The following RAB3C variants were observed in gnomAD, a reference collection of about 807,000 sequenced individuals.
RAB3C encodes the protein RAB3C, member RAS oncogene family.
Under a neutral mutation model 26.4 loss-of-function variants are expected in RAB3C, and 17 were observed. The ratio of observed to expected loss-of-function variants is 0.64; its 90% CI spans 0.44 to 0.97. The LOEUF (loss-of-function observed/expected upper bound fraction) is 0.97. RAB3C is among the 50% of genes least tolerant of loss of function. The probability of loss-of-function intolerance (pLI) is 0.00; values close to 1 mark genes in which losing one functional copy is unlikely to be tolerated. For synonymous variants in RAB3C, 91 were observed against 95.9 expected (o/e 0.95, Z 0.30); for missense variants, 242 against 281.9 (o/e 0.86, Z 1.01).
chr5:58,691,721 G>A (rs138605222), intron 2 of RAB3C, among the ~76,000 whole-genome samples: 100 of 152,224 alleles, frequency 6.6e-4, no homozygotes, highest in African/African-American at 2.3e-3. Context: ...GAATACAAGT[G>A]GGTGTTTGAT....
Position 58,610,017 on chromosome 5 carries a change from G to C in RAB3C, c.25-7626G>C, listed in dbSNP as rs1746661599. Reference sequence around the variant, plus strand: ...GCACATCACAATTCTAATCGATTCTGAGAGACAAACGTGGAGACCTGCAAA... The same window carrying C: ...GCACATCACAATTCTAATCGATTCTCAGAGACAAACGTGGAGACCTGCAAA... On this transcript the variant is annotated intron_variant, in intron 1 of 4. Transcript: ENST00000282878. Among the ~76,000 whole-genome samples, 4 of 152,112 alleles carry C rather than the reference G, an allele frequency of 2.6e-5. No homozygotes were observed. In the South Asian group the frequency reaches 8.3e-4, roughly 31 times the overall value.
chr5:58,825,355 G>A (rs920369083), intron 4 of RAB3C, among the ~76,000 whole-genome samples, 193 bp downstream of exon 4: 1 of 152,082 alleles, frequency 6.6e-6, no homozygotes, highest in South Asian at 2.1e-4. Context: ...GAGCTCAAGC[G>A]CAATTACAGA....
At chr5:58,755,549 C>G (rs572858737) in intron 3 of RAB3C, among the ~76,000 whole-genome samples, 1 of 152,144 alleles carries the variant, frequency 6.6e-6, no homozygotes, top group African/African-American at 2.4e-5. Flanking sequence ...CATCAGGACT[C>G]GGGGCAGGCA....
intron 3 of RAB3C, among the ~76,000 whole-genome samples, chr5:58,774,394 C>T (rs1742084436): frequency 6.6e-6 from 1 of 152,106 alleles, no homozygotes; most frequent in Non-Finnish European, 1.5e-5. Flanking sequence ...CTCTTTCCAT[C>T]TTCTACCTTT....
chr5:58,806,624 G>A (rs936252225), intron 3 of RAB3C, among the ~76,000 whole-genome samples: 3 of 152,132 alleles, frequency 2.0e-5, no homozygotes, highest in Non-Finnish European at 4.4e-5. Flanking sequence ...GTGCATGGAA[G>A]GATATTTAAT....
At chr5:58,744,454 C>T (rs866532960) in intron 3 of RAB3C, among the ~76,000 whole-genome samples, 10 of 152,176 alleles carry the variant, frequency 6.6e-5, no homozygotes, top group Admixed American at 5.9e-4. Flanking sequence ...CACGATTCAT[C>T]GGCAGTGTAT....
At chr5:58,819,310 C>T (rs774736394) in intron 3 of RAB3C, among the ~76,000 whole-genome samples, 4 of 152,104 alleles carry the variant, frequency 2.6e-5, no homozygotes, top group African/African-American at 4.8e-5. Flanking sequence ...CTCAAACTGG[C>T]GGAATAAATT....
At chr5:58,684,139 T>C (rs1470416198) in intron 2 of RAB3C, among the ~76,000 whole-genome samples, 1 of 152,216 alleles carries the variant, frequency 6.6e-6, no homozygotes, top group Admixed American at 6.5e-5. Context: ...GTTATCATTA[T>C]TCTCTAAACA....
intron 1 of RAB3C, among the ~76,000 whole-genome samples, chr5:58,591,339 A>G (rs1010492235): frequency 1.3e-5 from 2 of 152,138 alleles, no homozygotes; most frequent in East Asian, 1.9e-4. Flanking sequence ...GAGGTTTTCA[A>G]ATCTCCAGCT....
chr5:58,750,818 GCTTC>G (rs1741505845), intron 3 of RAB3C, among the ~76,000 whole-genome samples: 2 of 151,536 alleles, frequency 1.3e-5, no homozygotes, highest in African/African-American at 4.8e-5. Flanking sequence ...TTCCTTCCTT[GCTTC>G]CTTCCTTCCT....
At chr5:58,753,498 C>G (rs2111965073) in intron 3 of RAB3C, among the ~76,000 whole-genome samples, 1 of 152,196 alleles carries the variant, frequency 6.6e-6, no homozygotes, top group African/African-American at 2.4e-5. Context: ...AGAAGTAATC[C>G]TGCACCATAA....
At chr5:58,591,232 CTAAA>C (rs1474739894) in intron 1 of RAB3C, among the ~76,000 whole-genome samples, 5 of 152,074 alleles carry the variant, frequency 3.3e-5, no homozygotes, top group African/African-American at 1.2e-4. Context: ...GTAGTAGTCT[CTAAA>C]TATCATTAGG....
chr5:58,658,110 G>A (rs1747820346), intron 2 of RAB3C, among the ~76,000 whole-genome samples: 1 of 152,134 alleles, frequency 6.6e-6, no homozygotes, highest in African/African-American at 2.4e-5. Flanking sequence ...CTTCATACGT[G>A]TCTATTATGT....
intron 3 of RAB3C, among the ~76,000 whole-genome samples, chr5:58,733,663 C>T (rs1220569743): frequency 2.0e-5 from 3 of 152,118 alleles, no homozygotes; most frequent in Admixed American, 2.0e-4. Flanking sequence ...AGAGATAGGT[C>T]CTAAATAGGC....
chr5:58,771,401 A>G (rs1178712826), intron 3 of RAB3C, among the ~76,000 whole-genome samples: 1 of 152,160 alleles, frequency 6.6e-6, no homozygotes, highest in African/African-American at 2.4e-5. Flanking sequence ...CTCTTAGTTA[A>G]CATAAAGAAT....
chr5:58,704,449 T>C (rs1442032818), intron 2 of RAB3C, among the ~76,000 whole-genome samples: 1 of 152,158 alleles, frequency 6.6e-6, no homozygotes, highest in African/African-American at 2.4e-5. Context: ...TCAATATCTC[T>C]ATTTCCTGAA....
intron 3 of RAB3C, among the ~76,000 whole-genome samples, chr5:58,759,963 A>G (rs1485983591): frequency 6.6e-6 from 1 of 152,218 alleles, no homozygotes; most frequent in Non-Finnish European, 1.5e-5. Context: ...TAAAAATGTC[A>G]CTGCCGAAGT....
chr5:58,757,969 T>C (rs1741711694), intron 3 of RAB3C, among the ~76,000 whole-genome samples: 1 of 151,644 alleles, frequency 6.6e-6, no homozygotes, highest in African/African-American at 2.4e-5. Context: ...TGAGACGGAG[T>C]CTCGCTCTGT....
At chr5:58,657,330 C>A (rs1747802063) in intron 2 of RAB3C, among the ~76,000 whole-genome samples, 1 of 151,406 alleles carries the variant, frequency 6.6e-6, no homozygotes. Flanking sequence ...TCTCACAAAT[C>A]ACCACTAAAG....
Sources: allele counts gnomAD v4.1 joint callset (sites outside exome capture counted in the v4.1 genomes callset), GRCh38; gene constraint gnomAD v4.1.1; transcripts MANE v1.5; gene names NCBI Gene and HGNC (gene_info 2026-07-23, HGNC 2026-07-21).